STARD13: variants seen among roughly 807,000 people sequenced by gnomAD.
STARD13 encodes StAR related lipid transfer domain containing 13.
In STARD13, 62 loss-of-function variants were observed where a neutral mutation model predicts 106.4. The observed-to-expected ratio is 0.58, with a 90% CI of 0.48 to 0.72. STARD13 has a LOEUF of 0.72. Among genes scored for constraint, STARD13 ranks in the 30% least tolerant of loss-of-function variants. The pLI is 0.00. For missense variants in STARD13, 1,387 were observed against 1,424.0 expected (o/e 0.97, Z 0.42); for synonymous variants, 565 against 553.0 (o/e 1.02, Z -0.31).
chr13:33,658,132 G>T, the STARD13 span: 1 of 152,450 alleles, frequency 6.6e-6, no homozygotes, highest in African/African-American at 2.4e-5. Context: ...GATGACTCTA[G>T]GTACCTCGTT....
chr13:33,546,724 A>G, the STARD13 span, among the ~76,000 whole-genome samples: 1 of 151,752 alleles, frequency 6.6e-6, no homozygotes, highest in East Asian at 1.9e-4. Context: ...ACTTACTGCA[A>G]CCTCCACCTC....
chr13:33,306,929 G>A (rs983870527), intron 1 of STARD13, among the ~76,000 whole-genome samples: 12 of 150,792 alleles, frequency 8.0e-5, no homozygotes, highest in Admixed American at 5.3e-4. Flanking sequence ...CAGCCTGTGC[G>A]ACAGAGTGAG....
Position 33,130,960 on chromosome 13 carries a change from G to A in STARD13, c.388-671C>T, listed in dbSNP as rs960962173. On this transcript the variant is annotated intron_variant, in intron 4 of 13. Coordinates refer to ENST00000336934, the MANE Select transcript of STARD13 (RefSeq NM_178006.4). The surrounding 1 kb of genome is among the most constrained non-coding windows in gnomAD (Gnocchi z 4.1). ...CGTCTTTTTCTGTGGAATCAACTCC[G>A]AGTCAGAATGCCGTTGGCAGGACGC... Among the ~76,000 whole-genome samples the A allele has an allele frequency of 2.6e-5, 4 of 152,212 alleles. No individual in the cohort carries two copies. Among genetic ancestry groups the A allele is most frequent in the African/African-American group, 4.8e-5 (2 of 41,446 alleles).
intron 1 of STARD13, among the ~76,000 whole-genome samples, chr13:33,196,469 G>A (rs1463416142): frequency 6.6e-6 from 1 of 152,186 alleles, no homozygotes; most frequent in East Asian, 1.9e-4. Flanking sequence ...GGATATGATA[G>A]GAGGCGCCCT....
chr13:33,131,270 T>C (rs557428287), intron 4 of STARD13, among the ~76,000 whole-genome samples: 26 of 152,194 alleles, frequency 1.7e-4, no homozygotes, highest in Non-Finnish European at 3.5e-4. Context: ...TCTGAACTGA[T>C]TTTCAAATCT....
the STARD13 span, among the ~76,000 whole-genome samples, chr13:33,501,078 C>CTTTTTT: frequency 2.6e-4 from 24 of 94,092 alleles, 1 homozygote; most frequent in Admixed American, 5.3e-4. Context: ...TCTCTCTCTC[C>CTTTTTT]TTTTTTTTTT....
At chr13:33,497,359 A>T in the STARD13 span, among the ~76,000 whole-genome samples, 45,434 of 152,020 alleles carry the variant, frequency 0.3, 7,659 homozygotes, top group Non-Finnish European at 0.39. Flanking sequence ...ATAAGGCTGT[A>T]CTCAGCCTGA....
intron 8 of STARD13, 90 bp downstream of exon 8, chr13:33,117,975 T>G: frequency 6.3e-7 from 1 of 1,577,732 alleles, no homozygotes; most frequent in Admixed American, 1.8e-5. Flanking sequence ...GATGTATTAT[T>G]CGTATAATTA....
At chr13:33,558,180 T>G in the STARD13 span, among the ~76,000 whole-genome samples, 1 of 152,206 alleles carries the variant, frequency 6.6e-6, no homozygotes, top group East Asian at 1.9e-4. Flanking sequence ...TTTTTTTCAC[T>G]CATAATCTTT....
the STARD13 span, among the ~76,000 whole-genome samples, chr13:33,538,403 A>G: frequency 2.0e-5 from 3 of 152,214 alleles, no homozygotes; most frequent in Non-Finnish European, 4.4e-5. Context: ...GGGCCCACGA[A>G]AGAGGGAAGG....
intron 1 of STARD13, among the ~76,000 whole-genome samples, chr13:33,226,818 T>A (rs568452893): frequency 5.9e-5 from 9 of 152,340 alleles, no homozygotes; most frequent in African/African-American, 1.9e-4. Context: ...TTCAGGCTAG[T>A]CCAAGCGATG....
Position 33,285,520 on chromosome 13 carries a change from CT to C in STARD13, c.118del (p.Arg40GlyfsTer2). On this transcript the variant is annotated frameshift_variant, in exon 1 of 14. Transcript: ENST00000336934. LOFTEE classifies it high-confidence loss of function. Reference sequence around the variant, plus strand: ...ATGGCGTGCTAGAATCCGGCTCATCCTGTAAGGAGAGCGTCTTGTAGTCTGA... The same window carrying C: ...ATGGCGTGCTAGAATCCGGCTCATCCGTAAGGAGAGCGTCTTGTAGTCTGA... ...FDQTTRRSPY[R>X]MSRILARHQL... is the part of the protein sequence containing the mutation. The C allele has an allele frequency of 6.2e-7, 1 of 1,614,056 alleles. No individual in the cohort carries two copies. The highest frequency in any genetic ancestry group is 2.2e-5 in the East Asian group (1 of 44,878).
At chr13:33,582,309 G>A in the STARD13 span, among the ~76,000 whole-genome samples, 12 of 152,052 alleles carry the variant, frequency 7.9e-5, no homozygotes, top group African/African-American at 2.9e-4. Context: ...AATGCAAACT[G>A]GGAATGTTTC....
chr13:33,508,911 C>G, the STARD13 span, among the ~76,000 whole-genome samples: 1 of 152,272 alleles, frequency 6.6e-6, no homozygotes, highest in Admixed American at 6.5e-5. Flanking sequence ...GGCTACTAAC[C>G]TGTACAGCAT....
At position 33,105,689 on chromosome 13, in the gene STARD13, G is replaced by A; in HGVS notation, c.3246C>T (p.Tyr1082=). 2 of 1,614,188 alleles carry A rather than the reference G, an allele frequency of 1.2e-6. No individual in the cohort carries two copies. The highest frequency in any genetic ancestry group is 1.7e-6 in the Non-Finnish European group (2 of 1,179,978). ...IDLKGHSPEW[Y]SKGFGHLCAA... ...CACACAGATGTCCAAAGCCTTTGCT[G>A]TACCATTCTGGGGAGTGACCTCTGT... Residue 1082 remains tyrosine (Y), a synonymous_variant, in exon 14 of 14, where the codon TAC becomes TAT. Coordinates refer to ENST00000336934, the MANE Select transcript of STARD13 (RefSeq NM_178006.4).
the STARD13 span, among the ~76,000 whole-genome samples, chr13:33,421,173 A>T: frequency 3.9e-5 from 6 of 152,316 alleles, no homozygotes; most frequent in Admixed American, 3.3e-4. Flanking sequence ...TTTTGAAAAG[A>T]TCAACAAAAC....
the STARD13 span, among the ~76,000 whole-genome samples, chr13:33,517,966 C>T: frequency 6.6e-6 from 1 of 152,082 alleles, no homozygotes; most frequent in South Asian, 2.1e-4. Context: ...TCCTCCTCTA[C>T]ATCTGCTTCT....
the STARD13 span, among the ~76,000 whole-genome samples, chr13:33,444,217 C>T: frequency 6.6e-6 from 1 of 152,198 alleles, no homozygotes; most frequent in Non-Finnish European, 1.5e-5. Flanking sequence ...ATGCTAGGTG[C>T]TTAACCCTTT....
At chr13:33,553,238 T>C in the STARD13 span, among the ~76,000 whole-genome samples, 1 of 152,056 alleles carries the variant, frequency 6.6e-6, no homozygotes. Flanking sequence ...TTCGTAAATG[T>C]ACAAAATTGG....
Sources: allele counts gnomAD v4.1 joint callset (sites outside exome capture counted in the v4.1 genomes callset), GRCh38; gene constraint gnomAD v4.1.1; non-coding constraint Gnocchi (gnomAD v3.1); transcripts MANE v1.5; gene names NCBI Gene and HGNC (gene_info 2026-07-23, HGNC 2026-07-21).